The following SH3PXD2B variants were observed in gnomAD, a reference collection of about 807,000 sequenced individuals.
The protein encoded by SH3PXD2B is SH3 and PX domain-containing protein 2B.
SH3PXD2B carries 37 observed loss-of-function variants against 73.1 expected under a neutral mutation model. The observed-to-expected ratio is 0.51, with a 90% CI of 0.39 to 0.67. The LOEUF is 0.67. Among genes scored for constraint, SH3PXD2B ranks in the 30% least tolerant of loss-of-function variants. The pLI, the probability that SH3PXD2B is intolerant of heterozygous loss-of-function variation, is 0.00. For missense variants in SH3PXD2B, 1,053 were observed against 1,197.8 expected (o/e 0.88, Z 1.78); for synonymous variants, 457 against 480.5 (o/e 0.95, Z 0.64).
chr5:172,454,134 G>T, intron 1 of SH3PXD2B, 144 bp downstream of exon 1: 1 of 540,860 alleles, frequency 1.8e-6, no homozygotes, highest in South Asian at 2.9e-5. Flanking sequence ...GAGGGACCCG[G>T]GCAGCGCCGC....
At chr5:172,450,764 C>T (rs552279301) in intron 1 of SH3PXD2B, among the ~76,000 whole-genome samples, 2 of 151,992 alleles carry the variant, frequency 1.3e-5, no homozygotes, top group Admixed American at 1.3e-4. Context: ...CTTCCTCCCC[C>T]CAAGCTGAAG....
chr5:172,339,144 G>A lies in SH3PXD2B; in HGVS notation c.1961C>T (p.Pro654Leu). The change falls in exon 13 of 13, where the codon CCA becomes CTA. Residue 654 changes from proline to leucine, a missense_variant. Coordinates refer to ENST00000311601, the MANE Select transcript of SH3PXD2B (RefSeq NM_001017995.3). The surrounding 1 kb of genome is among the most constrained non-coding windows in gnomAD (Gnocchi z 6.1). ...GTCGACTTGGTCTTCGCCCTGAGGT[G>A]GCTCCGTTTTGGGGGAAGGAGCTGG... ...PKPAPSPKTE[P>L]PQGEDQVDIC... 6.2e-7 allele frequency: 1 copy of A among 1,614,224 alleles called. No homozygotes were observed. The highest frequency in any genetic ancestry group is 8.5e-7 in the Non-Finnish European group (1 of 1,180,040).
chr5:172,412,280 G>A (rs1197513054), intron 2 of SH3PXD2B, among the ~76,000 whole-genome samples: 1 of 152,216 alleles, frequency 6.6e-6, no homozygotes, highest in Non-Finnish European at 1.5e-5. Flanking sequence ...TCATGGAGGT[G>A]TTCTACATCT....
rs192903334 is a variant in SH3PXD2B at position 172,382,856 on chromosome 5, G to C, written c.310-729C>G. On this transcript the variant is annotated intron_variant, in intron 4 of 12. Coordinates refer to ENST00000311601, the MANE Select transcript of SH3PXD2B (RefSeq NM_001017995.3). Reference sequence around the variant, plus strand: ...CGATTTTTGTGCCCTAGTCTCCTGAGTAGCTGGGATTATAGGCATGTGCTA... The same window carrying C: ...CGATTTTTGTGCCCTAGTCTCCTGACTAGCTGGGATTATAGGCATGTGCTA... Among the ~76,000 whole-genome samples the C allele has an allele frequency of 2.0e-3, 301 of 151,886 alleles. 1 individual carries two copies. Among genetic ancestry groups the C allele is most frequent in the African/African-American group, 7.1e-3 (292 of 41,386 alleles).
intron 10 of SH3PXD2B, among the ~76,000 whole-genome samples, chr5:172,348,683 C>CTTATCT (rs1391664073): frequency 2.3e-5 from 1 of 43,124 alleles, no homozygotes; most frequent in Non-Finnish European, 5.7e-5. Context: ...ATCTATCTAT[C>CTTATCT]TATCTATCTA....
chr5:172,350,809 C>T (rs1427439737), intron 9 of SH3PXD2B, among the ~76,000 whole-genome samples: 1 of 152,196 alleles, frequency 6.6e-6, no homozygotes, highest in African/African-American at 2.4e-5. Context: ...CTCTACTTGC[C>T]CCTCTTACAG....
chr5:172,357,067 C>T (rs952569259), intron 8 of SH3PXD2B, among the ~76,000 whole-genome samples: 2 of 139,320 alleles, frequency 1.4e-5, no homozygotes, highest in East Asian at 2.1e-4. Context: ...TGCAGTGAGC[C>T]GTGTTCATGC....
intron 6 of SH3PXD2B, among the ~76,000 whole-genome samples, chr5:172,373,060 G>A (rs1757740639): frequency 6.6e-6 from 1 of 152,216 alleles, no homozygotes; most frequent in African/African-American, 2.4e-5. Flanking sequence ...TGAGAGAAGA[G>A]TTGTGTCATC....
chr5:172,433,768 G>A (rs1759306548), intron 1 of SH3PXD2B, among the ~76,000 whole-genome samples: 1 of 152,114 alleles, frequency 6.6e-6, no homozygotes, highest in South Asian at 2.1e-4. Context: ...ATAGAGATAA[G>A]GTCCATCCTA....
chr5:172,356,742 C>G (rs1757285633), intron 8 of SH3PXD2B: 1 of 152,328 alleles, frequency 6.6e-6, no homozygotes, highest in East Asian at 1.9e-4. Context: ...CGGCGGCCCA[C>G]CGGCCGGGGC....
intron 6 of SH3PXD2B, among the ~76,000 whole-genome samples, chr5:172,365,227 C>T (rs1196854905): frequency 6.6e-6 from 1 of 152,158 alleles, no homozygotes; most frequent in East Asian, 1.9e-4. Context: ...AGGAAGCAGC[C>T]TCAATGAGGG....
intron 4 of SH3PXD2B, among the ~76,000 whole-genome samples, chr5:172,391,371 C>T (rs2113392629): frequency 6.6e-6 from 1 of 152,264 alleles, no homozygotes; most frequent in Non-Finnish European, 1.5e-5. Context: ...ATCGGGTTGT[C>T]TTACTATTAT....
intron 1 of SH3PXD2B, among the ~76,000 whole-genome samples, chr5:172,443,065 A>C (rs559129467): frequency 4.8e-4 from 73 of 152,368 alleles, no homozygotes; most frequent in Non-Finnish European, 8.1e-4. Flanking sequence ...AACTAATGAT[A>C]CTGAATTATA....
Position 172,424,930 on chromosome 5 carries a change from C to G in SH3PXD2B, c.76-2434G>C, listed in dbSNP as rs6859752. Among the ~76,000 whole-genome samples, 3 of 152,070 alleles carry G rather than the reference C, an allele frequency of 2.0e-5. No homozygotes were observed. The South Asian group carries it at 6.2e-4, about 32-fold the overall frequency. On this transcript the variant is annotated intron_variant, in intron 1 of 12. Coordinates refer to ENST00000311601, the MANE Select transcript of SH3PXD2B (RefSeq NM_001017995.3). ...CCAATGCCTACCCCATCCCTGCTCA[C>G]AAAAACAGGCTCCTTTGACACCAAG...
chr5:172,337,670 C>G lies in SH3PXD2B; in HGVS notation c.*699G>C. ...GCCTGCAGCAGCAAAGCGCAGCATA[C>G]GCGGGGCTGGAACCACCCTTCAGGG... On this transcript the variant is annotated 3_prime_UTR_variant, in exon 13 of 13. Coordinates refer to ENST00000311601, the MANE Select transcript of SH3PXD2B (RefSeq NM_001017995.3). The G allele has an allele frequency of 1.0e-6, 1 of 987,516 alleles. No homozygotes were observed. Among genetic ancestry groups the G allele is most frequent in the Non-Finnish European group, 1.2e-6 (1 of 831,368 alleles). 61.2% of individuals were successfully genotyped at this position (987,516 alleles called of 1,614,324 possible).
At chr5:172,425,966 A>C (rs1759087145) in intron 1 of SH3PXD2B, among the ~76,000 whole-genome samples, 1 of 152,184 alleles carries the variant, frequency 6.6e-6, no homozygotes, top group African/African-American at 2.4e-5. Flanking sequence ...GGGATGCTTA[A>C]GCTAGGTTTG....
chr5:172,365,239 C>A (rs116282204), intron 6 of SH3PXD2B, among the ~76,000 whole-genome samples: 4,289 of 152,274 alleles, frequency 0.028, 218 homozygotes, highest in African/African-American at 0.099. Context: ...CAATGAGGGT[C>A]TATCACAGCC....
At position 172,445,287 on chromosome 5, in the gene SH3PXD2B, C is replaced by A. The variant is rs572073983; in HGVS notation, c.75+8991G>T. Among the ~76,000 whole-genome samples the A allele has an allele frequency of 6.6e-6, 1 of 152,376 alleles. No homozygotes were observed. Among genetic ancestry groups the A allele is most frequent in the Admixed American group, 6.5e-5 (1 of 15,314 alleles). Reference sequence around the variant, plus strand: ...GCAGTGGCGCAAACATGGCTCACTGCAGCCTCCATCTCCTGGGCTCAAGCG... The same window carrying A: ...GCAGTGGCGCAAACATGGCTCACTGAAGCCTCCATCTCCTGGGCTCAAGCG... On this transcript the variant is annotated intron_variant, in intron 1 of 12. Transcript: ENST00000311601. The surrounding 1 kb of genome is among the most constrained non-coding windows in gnomAD (Gnocchi z 5.2).
chr5:172,364,515 A>G (rs1471211613), intron 6 of SH3PXD2B, among the ~76,000 whole-genome samples: 2 of 152,104 alleles, frequency 1.3e-5, no homozygotes, highest in African/African-American at 4.8e-5. Flanking sequence ...AAATACAAAA[A>G]GGAGCTGGGC....
Sources: gnomAD v4.1 joint callset for allele counts (sites outside exome capture counted in the v4.1 genomes callset) on GRCh38, gnomAD v4.1.1 for gene constraint, Gnocchi (gnomAD v3.1) non-coding constraint, MANE v1.5 for transcripts, NCBI Gene and HGNC (gene_info 2026-07-23, HGNC 2026-07-21) for gene names.